The following PHF12 variants were observed in gnomAD, a reference collection of about 807,000 sequenced individuals.
The protein encoded by PHF12 is PHD factor 1.
In PHF12, 6 loss-of-function variants were observed where a neutral mutation model predicts 99.8. That is an observed-to-expected ratio of 0.06 (90% CI 0.03 to 0.12). PHF12 has a LOEUF of 0.12. Ranked by LOEUF, PHF12 falls within the 10% of genes least tolerant of loss-of-function variation. The pLI, the probability that PHF12 is intolerant of heterozygous loss-of-function variation, is 1.00. For synonymous variants in PHF12, 480 were observed against 514.9 expected, an observed-to-expected ratio of 0.93 and a Z score of 0.92; for missense variants, 954 against 1,300.1, an observed-to-expected ratio of 0.73 and a Z score of 4.09.
At position 28,906,889 on chromosome 17, in the gene PHF12, T is replaced by C. The variant is rs375680723; in HGVS notation, c.2647A>G (p.Ser883Gly). 1 of 1,611,524 alleles carries C rather than the reference T, an allele frequency of 6.2e-7. No homozygotes were observed. The highest frequency in any genetic ancestry group is 1.3e-5 in the African/African-American group (1 of 74,788). The stretch of plus-strand genomic sequence containing the variant: ...CTCTGCACTTTGGCAACAATACTGC[T>C]TGGGGGGGTTGGCGGGGTCTTCTCC... Reference protein sequence around the residue: ...FSEKTPPTPPSSIVAKVQSVI... With the variant: ...FSEKTPPTPPGSIVAKVQSVI... The change falls in exon 14 of 15, where the codon AGC (serine) becomes GGC (glycine). Residue 883 changes from serine (S) to glycine (G), a missense_variant. Around this residue, in one of 8 missense-constraint regions of PHF12, gnomAD observed 136 missense variants for 172.3 expected, o/e 0.79. Transcript: ENST00000332830. This position sits in a 1 kb window ranked among gnomAD's most constrained non-coding sequence, Gnocchi z 4.2.
chr17:28,947,737 T>C (rs1181964410), intron 2 of PHF12, among the ~76,000 whole-genome samples: 1 of 152,244 alleles, frequency 6.6e-6, no homozygotes, highest in Non-Finnish European at 1.5e-5. Flanking sequence ...CACCAATATC[T>C]ACAATGCTTT....
intron 2 of PHF12, among the ~76,000 whole-genome samples, chr17:28,935,674 A>G (rs1359040431): frequency 6.6e-6 from 1 of 152,208 alleles, no homozygotes; most frequent in Non-Finnish European, 1.5e-5. Flanking sequence ...TGTACATTCA[A>G]TTGGAGGGTA....
At chr17:28,910,606 G>A (rs1303867006) in intron 10 of PHF12, 6 of 570,658 alleles carry the variant, frequency 1.1e-5, no homozygotes, top group Non-Finnish European at 1.8e-5. Flanking sequence ...TGGGTGGACT[G>A]ATTTTAATTA....
intron 2 of PHF12, among the ~76,000 whole-genome samples, chr17:28,937,111 G>A (rs147884786): frequency 6.6e-6 from 1 of 152,270 alleles, no homozygotes; most frequent in East Asian, 1.9e-4. Flanking sequence ...GCTAAGTGGT[G>A]CTGGGTAAAG....
chr17:28,927,352 C>A (rs1598143368), intron 2 of PHF12, among the ~76,000 whole-genome samples: 1 of 152,150 alleles, frequency 6.6e-6, no homozygotes, highest in Admixed American at 6.5e-5. Flanking sequence ...TTTCTTAAAG[C>A]CTGTTAGTGT....
intron 13 of PHF12, chr17:28,907,237 C>T: frequency 1.9e-6 from 1 of 537,418 alleles, no homozygotes; most frequent in Non-Finnish European, 3.3e-6. Flanking sequence ...CACCGCTCCT[C>T]TTGGTATGAT....
intron 7 of PHF12, among the ~76,000 whole-genome samples, chr17:28,914,943 G>C (rs531873547): frequency 2.0e-4 from 30 of 152,312 alleles, no homozygotes; most frequent in African/African-American, 6.7e-4. Context: ...TAGAGATCCA[G>C]AGATGAATAA....
chr17:28,908,991 G>T, intron 11 of PHF12, 110 bp from the exon 12 acceptor site: 1 of 994,912 alleles, frequency 1.0e-6, no homozygotes, highest in Non-Finnish European at 1.5e-6. Flanking sequence ...AAATCCCGCT[G>T]GATGACTCAT....
At chr17:28,913,630 T>C (rs2040008751) in intron 8 of PHF12, among the ~76,000 whole-genome samples, 1 of 152,134 alleles carries the variant, frequency 6.6e-6, no homozygotes, top group Admixed American at 6.5e-5. Flanking sequence ...CTTTCTACAG[T>C]ATAGATTTGC....
chr17:28,933,582 T>C (rs958239138), intron 2 of PHF12, among the ~76,000 whole-genome samples: 7 of 152,236 alleles, frequency 4.6e-5, no homozygotes, highest in African/African-American at 1.7e-4. Flanking sequence ...AGTCTTCTTA[T>C]TTCTGGGGTA....
At chr17:28,931,296 C>T (rs1258365652) in intron 2 of PHF12, among the ~76,000 whole-genome samples, 2 of 150,324 alleles carry the variant, frequency 1.3e-5, no homozygotes, top group Admixed American at 6.6e-5. Context: ...TGCTCAGTTG[C>T]CCAGGCTGGA....
At position 28,906,454 on chromosome 17, in the gene PHF12, T is replaced by C. The variant is rs200441251; in HGVS notation, c.2744A>G (p.Gln915Arg). The part of the protein sequence containing the change: ...PSEEAAMMSS[Q>R]AQGPQRRPCN... ...GGGTCTCCGCTGCGGCCCCTGGGCC[T>C]GGGAACTCATCATGGCTGCCTCCTC... The change falls in exon 15 of 15, where the codon CAG (glutamine) becomes CGG (arginine). Residue 915 changes from glutamine (Q) to arginine (R), a missense_variant. Gln to Arg is a conservative substitution (Grantham distance 43). This residue lies in a region of PHF12 where 136 missense variants were observed against 172.3 expected (regional missense o/e 0.79). Transcript: ENST00000332830. The surrounding 1 kb of genome is among the most constrained non-coding windows in gnomAD (Gnocchi z 4.2). 28 of 1,613,878 alleles carry C rather than the reference T, an allele frequency of 1.7e-5. No homozygotes were observed. In the East Asian group the frequency reaches 2.9e-4, roughly 17 times the overall value.
chr17:28,910,289 C>T lies in PHF12; in HGVS notation c.2296G>A (p.Val766Ile), dbSNP rs138099104. ...QRIHQLFPSR[V>I]QPSPGSVGTH... ...CCGACACTGCCCGGTGAAGGTTGGA[C>T]CCGGGAGGGGAAAAGCTGATGTATT... The change falls in exon 11 of 15, where the codon GTC becomes ATC. Residue 766 changes from valine to isoleucine, a missense_variant. Physicochemically the swap from Val to Ile is conservative, Grantham distance 29. Transcript: ENST00000332830. The T allele has an allele frequency of 2.8e-4, 445 of 1,614,168 alleles. No individual in the cohort carries two copies. The African/African-American group carries it at 5.4e-3, about 19-fold the overall frequency.
At position 28,950,800 on chromosome 17, in the gene PHF12, T is replaced by G; in HGVS notation, c.66+95A>C. 6.5e-7 allele frequency: 1 copy of G among 1,536,756 alleles called. No homozygotes were observed. Among genetic ancestry groups the G allele is most frequent in the Non-Finnish European group, 8.8e-7 (1 of 1,133,890 alleles). On this transcript the variant is annotated intron_variant, in intron 1 of 14. Transcript: ENST00000332830. This position sits in a 1 kb window ranked among gnomAD's most constrained non-coding sequence, Gnocchi z 5.7. ...AGGAAGAATCCCCCTCCCTCGGCCA[T>G]CTAGGCGCTTCGAGTTTAGGACTGG...
At position 28,919,146 on chromosome 17, in the gene PHF12, C is replaced by A; in HGVS notation, c.966G>T (p.Val322=). Residue 322 remains valine (V), a synonymous_variant, in exon 6 of 15, where the codon GTG becomes GTT. Transcript: ENST00000332830. ...RWMCPNHIEH[V]VLNQKNMTLS... is the part of the protein sequence containing the mutation. Reference sequence around the variant, plus strand: ...GAATGGACACTGCTGTGCTTACCACCACATGTTCGATGTGATTCGGACACA... The same window carrying A: ...GAATGGACACTGCTGTGCTTACCACAACATGTTCGATGTGATTCGGACACA... 1.2e-6 allele frequency: 2 copies of A among 1,613,748 alleles called. No individual in the cohort carries two copies. Among genetic ancestry groups the A allele is most frequent in the Non-Finnish European group, 1.7e-6 (2 of 1,179,752 alleles).
intron 2 of PHF12, among the ~76,000 whole-genome samples, chr17:28,947,126 G>A (rs2040734981): frequency 1.3e-5 from 2 of 151,816 alleles, no homozygotes; most frequent in Non-Finnish European, 2.9e-5. Context: ...TGGAACTACA[G>A]GCTCGTGCCA....
intron 12 of PHF12, 72 bp downstream of exon 12, chr17:28,908,711 T>G: frequency 6.8e-7 from 1 of 1,479,766 alleles, no homozygotes; most frequent in Non-Finnish European, 9.4e-7. Context: ...CTTTCTAACT[T>G]CTGTGGGTAA....
chr17:28,913,734 C>G, intron 8 of PHF12, 145 bp downstream of exon 8: 2 of 1,186,690 alleles, frequency 1.7e-6, no homozygotes, highest in Middle Eastern at 5.9e-4. Flanking sequence ...GCCAGAAGTT[C>G]CCCCTGGAAT....
At chr17:28,909,419 A>G (rs1225941004) in intron 11 of PHF12, 1 of 154,724 alleles carries the variant, frequency 6.5e-6, no homozygotes, top group East Asian at 1.9e-4. Flanking sequence ...TGGTCTGCGA[A>G]CCACACTTTG....
Sources: gnomAD v4.1 joint callset for allele counts (sites outside exome capture counted in the v4.1 genomes callset) on GRCh38, gnomAD v4.1.1 for gene constraint, gnomAD v4.1.1 regional missense constraint, Gnocchi (gnomAD v3.1) non-coding constraint, MANE v1.5 for transcripts, NCBI Gene and HGNC (gene_info 2026-07-23, HGNC 2026-07-21) for gene names.